The following PRSS36 variants were observed in gnomAD, a reference collection of about 807,000 sequenced individuals.
PRSS36 encodes serine protease 36.
PRSS36 carries 90 observed loss-of-function variants against 94.3 expected under a neutral mutation model. The observed-to-expected ratio is 0.95, with a 90% CI of 0.80 to 1.14. The LOEUF is 1.14. Ranked by LOEUF, PRSS36 falls within the 50% of genes most tolerant of loss-of-function variation. The probability of loss-of-function intolerance (pLI) is 0.00; values close to 1 mark genes in which losing one functional copy is unlikely to be tolerated. For synonymous variants in PRSS36, 500 were observed against 489.6 expected (o/e 1.02, Z -0.28); for missense variants, 1,158 against 1,135.0 (o/e 1.02, Z -0.29).
At position 31,141,494 on chromosome 16, in the gene PRSS36, G is replaced by T. The variant is rs1055478961; in HGVS notation, c.1876C>A (p.Leu626Met). Residue 626 changes from leucine to methionine, a missense_variant, in exon 12 of 15, where the codon CTG (leucine) becomes ATG (methionine). Coordinates refer to ENST00000268281, the MANE Select transcript of PRSS36 (RefSeq NM_173502.5). ...TGILLAPGWV[L>M]AATHCVLRPG... ...CTGAGGACACAGTGAGTGGCTGCCAGGACCCAGCCTGGGGCCAGGAGGATC... is the reference window on the plus strand; with the variant it reads ...CTGAGGACACAGTGAGTGGCTGCCATGACCCAGCCTGGGGCCAGGAGGATC... The T allele has an allele frequency of 4.3e-6, 7 of 1,612,596 alleles. No homozygotes were observed. The highest frequency in any genetic ancestry group is 5.9e-6 in the Non-Finnish European group (7 of 1,179,760).
In PRSS36 at chr16:31,140,387, C is replaced by G; in HGVS notation, c.2196G>C (p.Leu732Phe). The change falls in exon 14 of 15, where the codon TTG (leucine) becomes TTC (phenylalanine). Residue 732 changes from leucine (L) to phenylalanine (F), a missense_variant. Leu to Phe is a conservative substitution (Grantham distance 22). Transcript: ENST00000268281. ...AGAGGCAGTCACAGATTCGTTGTGT[C>G]AAGATGGAGACAGCAGCAGCCACAG... ...RVPVAAAVSILTQRICDCLYQ... is the reference protein window; with the variant it reads ...RVPVAAAVSIFTQRICDCLYQ... 6.2e-7 allele frequency: 1 copy of G among 1,613,942 alleles called. No individual in the cohort carries two copies. The highest frequency in any genetic ancestry group is 8.5e-7 in the Non-Finnish European group (1 of 1,179,988).
At chr16:31,147,566 T>C (rs915093095) in intron 5 of PRSS36, among the ~76,000 whole-genome samples, 1 of 152,136 alleles carries the variant, frequency 6.6e-6, no homozygotes, top group Non-Finnish European at 1.5e-5. Flanking sequence ...GGAGATTTGG[T>C]CTATTCCCCC....
chr16:31,147,899 TA>T (rs2144044639), intron 5 of PRSS36, among the ~76,000 whole-genome samples: 1 of 152,252 alleles, frequency 6.6e-6, no homozygotes, highest in East Asian at 1.9e-4. Flanking sequence ...CCTTATGCTG[TA>T]GTGCTTTACT....
At chr16:31,147,487 AC>A (rs2057815236) in intron 5 of PRSS36, among the ~76,000 whole-genome samples, 2 of 152,228 alleles carry the variant, frequency 1.3e-5, no homozygotes, top group South Asian at 2.1e-4. Flanking sequence ...AGGTCTGACC[AC>A]GGCTGATGTG....
At position 31,139,300 on chromosome 16, in the gene PRSS36, C is replaced by T. The variant is rs375714962; in HGVS notation, c.2406G>A (p.Trp802Ter). The stretch of plus-strand genomic sequence containing the variant: ...TGGCCTCTCCCACTGTCTGGGAGAT[C>T]CAGGCCTCTTCAGGACCAATGGCAG... ...LFAAIGPEEA[W>*]ISQTVGEANF... The change falls in exon 15 of 15, where the codon TGG becomes TGA. Residue 802 changes from tryptophan (W) to a stop codon, truncating the protein, a stop_gained. Transcript: ENST00000268281. LOFTEE classifies it low-confidence loss of function (END_TRUNC). 5.8e-5 allele frequency: 94 copies of T among 1,614,166 alleles called. No individual in the cohort carries two copies. Among genetic ancestry groups the T allele is most frequent in the Admixed American group, 3.2e-4 (19 of 60,016 alleles).
chr16:31,138,995 G>A lies in PRSS36; in HGVS notation c.*143C>T, dbSNP rs2057635267. ...GATTCCTGGGTTCAAAATAGCCCGG[G>A]CACTGAGGCCCAATTAGCCAGAGCC... On this transcript the variant is annotated 3_prime_UTR_variant, in exon 15 of 15. Coordinates refer to ENST00000268281, the MANE Select transcript of PRSS36 (RefSeq NM_173502.5). 4 of 917,414 alleles carry A rather than the reference G, an allele frequency of 4.4e-6. No homozygotes were observed. The Admixed American group carries it at 8.1e-5, about 19-fold the overall frequency. The allele number at this position is 917,414 out of a possible 1,614,324, so 56.8% of individuals were successfully genotyped here.
At chr16:31,141,413 T>C in intron 12 of PRSS36, 56 bp downstream of exon 12, 1 of 1,425,088 alleles carries the variant, frequency 7.0e-7, no homozygotes, top group South Asian at 1.4e-5. Context: ...AACAAGTCTT[T>C]GGCTCTGTTC....
At position 31,149,214 on chromosome 16, in the gene PRSS36, G is replaced by T; in HGVS notation, c.131C>A (p.Ser44Ter). The change falls in exon 4 of 15, where the codon TCG becomes TAG. Residue 44 changes from serine to a stop codon, truncating the protein, a stop_gained. Transcript: ENST00000268281. LOFTEE classifies it high-confidence loss of function. ...GTTTGAGCCCCCCACGATGCGGGCCGAGGGCTCAGGGCGCCCGCAGTCTGC... is the reference window on the plus strand; with the variant it reads ...GTTTGAGCCCCCCACGATGCGGGCCTAGGGCTCAGGGCGCCCGCAGTCTGC... ...EDLDCGRPEP[S>*]ARIVGGSNAQ... 1.3e-6 allele frequency: 2 copies of T among 1,562,460 alleles called. No individual in the cohort carries two copies. The highest frequency in any genetic ancestry group is 1.7e-6 in the Non-Finnish European group (2 of 1,154,276).
intron 4 of PRSS36, 100 bp from the exon 5 acceptor site, chr16:31,148,775 C>T (rs1241832480): frequency 1.3e-6 from 2 of 1,490,102 alleles, no homozygotes; most frequent in African/African-American, 2.8e-5. Context: ...AGGTGCTATC[C>T]GATCCAGATT....
At position 31,140,308 on chromosome 16, in the gene PRSS36, C is replaced by T. The variant is rs1596838823; in HGVS notation, c.2275G>A (p.Glu759Lys). ...GGCCCCTGTACCTCACACCTGTTCT[C>T]CTGCCCCTCTGCATACAGGACACAG... ...TLCVLYAEGQ[E>K]NRCEMTSAPP... The change falls in exon 14 of 15, where the codon GAG becomes AAG. Residue 759 changes from glutamate (E) to lysine (K), a missense_variant. Transcript: ENST00000268281. 2 of 1,612,438 alleles carry T rather than the reference C, an allele frequency of 1.2e-6. No homozygotes were observed. The highest frequency in any genetic ancestry group is 4.5e-5 in the East Asian group (2 of 44,868).
Position 31,139,273 on chromosome 16 carries a change from G to T in PRSS36, c.2433C>A (p.Asn811Lys), listed in dbSNP as rs1485430028. The T allele has an allele frequency of 2.5e-6, 4 of 1,614,068 alleles. No individual in the cohort carries two copies. The highest frequency in any genetic ancestry group is 3.4e-6 in the Non-Finnish European group (4 of 1,180,022). The change falls in exon 15 of 15, where the codon AAC becomes AAA. Residue 811 changes from asparagine to lysine, a missense_variant. Transcript: ENST00000268281. ...GTGGGGAGCCACTGGGGGGCAGGAA[G>T]TTGGCCTCTCCCACTGTCTGGGAGA... ...AWISQTVGEA[N>K]FLPPSGSPHW...
intron 6 of PRSS36, among the ~76,000 whole-genome samples, chr16:31,144,938 T>C (rs2057773796): frequency 6.6e-6 from 1 of 151,454 alleles, no homozygotes. Context: ...AAATACAAAA[T>C]TAGCTGGCCG....
chr16:31,147,539 A>T (rs931174585), intron 5 of PRSS36, among the ~76,000 whole-genome samples: 7 of 152,226 alleles, frequency 4.6e-5, no homozygotes, highest in African/African-American at 1.7e-4. Flanking sequence ...AGCTTGGGTG[A>T]TGGGGATGAT....
chr16:31,139,031 C>T lies in PRSS36; in HGVS notation c.*107G>A, dbSNP rs184107500. On this transcript the variant is annotated 3_prime_UTR_variant, in exon 15 of 15. Coordinates refer to ENST00000268281, the MANE Select transcript of PRSS36 (RefSeq NM_173502.5). The stretch of plus-strand genomic sequence containing the variant: ...CAATTAGCCAGAGCCGCTGCAATCT[C>T]GGTGGGTGGGGCCCTTGAGGTTCCA... 7.6e-6 allele frequency: 10 copies of T among 1,324,116 alleles called. No homozygotes were observed. The East Asian group carries it at 9.6e-5, about 13-fold the overall frequency. The allele number at this position is 1,324,116 out of a possible 1,614,324, so 82.0% of individuals were successfully genotyped here.
At chr16:31,149,843 TC>T in intron 1 of PRSS36, 112 bp from the exon 2 acceptor site, 1 of 1,540,616 alleles carries the variant, frequency 6.5e-7, no homozygotes, top group Non-Finnish European at 9.0e-7. Context: ...CACCCAGGCC[TC>T]CCTCTCCCTC....
In PRSS36 at chr16:31,149,211, G is replaced by T. The variant is rs191779462; in HGVS notation, c.134C>A (p.Ala45Asp). ...DLDCGRPEPS[A>D]RIVGGSNAQP... The stretch of plus-strand genomic sequence containing the variant: ...CGCGTTTGAGCCCCCCACGATGCGG[G>T]CCGAGGGCTCAGGGCGCCCGCAGTC... Residue 45 changes from alanine (A) to aspartate (D), a missense_variant, in exon 4 of 15, where the codon GCC becomes GAC. Physicochemically the swap from Ala to Asp is moderately radical, Grantham distance 126. Coordinates refer to ENST00000268281, the MANE Select transcript of PRSS36 (RefSeq NM_173502.5). 2.5e-3 allele frequency: 3,908 copies of T among 1,563,824 alleles called. 7 individuals are homozygous for T. The highest frequency in any genetic ancestry group is 3.1e-3 in the Non-Finnish European group (3,621 of 1,154,992).
At chr16:31,143,301 G>A in intron 8 of PRSS36, 41 bp downstream of exon 8, 1 of 1,549,944 alleles carries the variant, frequency 6.5e-7, no homozygotes, top group African/African-American at 1.4e-5. Context: ...CAGGCTGTAG[G>A]GAGGGGCAAG....
chr16:31,144,862 C>T (rs887093261), intron 6 of PRSS36, among the ~76,000 whole-genome samples: 8 of 151,702 alleles, frequency 5.3e-5, no homozygotes, highest in African/African-American at 9.7e-5. Flanking sequence ...CCGAGGCAGG[C>T]GGATCATTTG....
chr16:31,147,801 A>C (rs1206132051), intron 5 of PRSS36, among the ~76,000 whole-genome samples: 1 of 152,048 alleles, frequency 6.6e-6, no homozygotes, highest in Non-Finnish European at 1.5e-5. Flanking sequence ...TGGGGAGTAG[A>C]GAGATGAGTG....
Sources: allele counts gnomAD v4.1 joint callset (sites outside exome capture counted in the v4.1 genomes callset), GRCh38; gene constraint gnomAD v4.1.1; transcripts MANE v1.5; gene names NCBI Gene and HGNC (gene_info 2026-07-23, HGNC 2026-07-21).